The following NRXN2 variants were observed in gnomAD, a reference collection of about 807,000 sequenced individuals.
NRXN2 encodes neurexin-2-beta.
Under a neutral mutation model 128.8 loss-of-function variants are expected in NRXN2, and 29 were observed. The observed-to-expected ratio is 0.23, with a 90% CI of 0.17 to 0.31. The LOEUF is 0.31. Among genes scored for constraint, NRXN2 ranks in the 10% least tolerant of loss-of-function variants. The probability of loss-of-function intolerance (pLI) is 1.00; values close to 1 mark genes in which losing one functional copy is unlikely to be tolerated. For missense variants in NRXN2, 1,881 were observed against 2,452.6 expected, an observed-to-expected ratio of 0.77 and a Z score of 4.92; for synonymous variants, 1,098 against 1,075.2, an observed-to-expected ratio of 1.02 and a Z score of -0.41.
In NRXN2 at chr11:64,623,074, G is replaced by A. The variant is rs2042603567; in HGVS notation, c.3852C>T (p.Arg1284=). The A allele has an allele frequency of 1.9e-6, 3 of 1,599,612 alleles. No individual in the cohort carries two copies. Among genetic ancestry groups the A allele is most frequent in the Non-Finnish European group, 2.6e-6 (3 of 1,172,592 alleles). ...CCTGGCTGTTGAAGATGGTCAGCTG[G>A]CGGCCTTGCAGGAGTGGAAGGGGGT... ...VVDEWLLDKG[R]QLTIFNSQAA... Residue 1284 remains arginine (R), a synonymous_variant, in exon 21 of 23, where the codon CGC becomes CGT. Transcript: ENST00000265459. The surrounding 1 kb of genome is among the most constrained non-coding windows in gnomAD (Gnocchi z 4.9).
At chr11:64,642,799 G>A in intron 17 of NRXN2, 1 of 1,147,990 alleles carries the variant, frequency 8.7e-7, no homozygotes, top group Non-Finnish European at 1.1e-6. Flanking sequence ...CCCCCCGGGG[G>A]GCATTTCGGC....
Position 64,685,896 on chromosome 11 carries a change from T to G in NRXN2, c.902A>C (p.Asp301Ala). 6.2e-7 allele frequency: 1 copy of G among 1,614,086 alleles called. No homozygotes were observed. The highest frequency in any genetic ancestry group is 1.1e-5 in the South Asian group (1 of 91,074). ...TFKGNEFFCY[D>A]LSHNPIQSST... The stretch of plus-strand genomic sequence containing the variant: ...GCTCTGGATGGGGTTGTGTGACAGG[T>G]CGTAGCAGAAGAACTCATTGCCTTT... The change falls in exon 6 of 23, where the codon GAC (aspartate) becomes GCC (alanine). Residue 301 changes from aspartate to alanine, a missense_variant. Coordinates refer to ENST00000265459, the MANE Select transcript of NRXN2 (RefSeq NM_015080.4).
chr11:64,613,716 C>T (rs922982204), intron 22 of NRXN2, among the ~76,000 whole-genome samples: 20 of 152,178 alleles, frequency 1.3e-4, no homozygotes, highest in African/African-American at 3.1e-4. Flanking sequence ...TACGGAGATC[C>T]GGGGCTTATC....
intron 17 of NRXN2, among the ~76,000 whole-genome samples, chr11:64,640,617 AGAG>A (rs2045522179): frequency 6.6e-6 from 1 of 152,164 alleles, no homozygotes; most frequent in Admixed American, 6.5e-5. Context: ...TCATGGAAGA[AGAG>A]AAGGAAACTG....
chr11:64,643,069 G>A lies in NRXN2; in HGVS notation c.3403+5150C>T, dbSNP rs944124976. 5.1e-5 allele frequency: 51 copies of A among 992,260 alleles called. No homozygotes were observed. In the African/African-American group the frequency reaches 8.0e-4, roughly 16 times the overall value. The allele number at this position is 992,260 out of a possible 1,614,324, so 61.5% of individuals were successfully genotyped here. A position where few individuals can be genotyped will look rare whatever the true frequency, so the allele number is the denominator to read the frequency against. On this transcript the variant is annotated intron_variant, in intron 17 of 22. Coordinates refer to ENST00000265459, the MANE Select transcript of NRXN2 (RefSeq NM_015080.4). ...GCTAGGGGTCTCTCTGCATCCCGGC[G>A]GGGTCGGAGCGGCGCAGAGGGCCGT...
In NRXN2 at chr11:64,648,075, TG is replaced by T. The variant is rs915565346; in HGVS notation, c.3403+143del. ...AGGGGACAGCAGGCCACAGCTCCCCTGGGACTCTGCAGACAAGGGATGAGAA... is the reference window on the plus strand; with the variant it reads ...AGGGGACAGCAGGCCACAGCTCCCCTGGACTCTGCAGACAAGGGATGAGAA... On this transcript the variant is annotated intron_variant, in intron 17 of 22. Coordinates refer to ENST00000265459, the MANE Select transcript of NRXN2 (RefSeq NM_015080.4). This position sits in a 1 kb window ranked among gnomAD's most constrained non-coding sequence, Gnocchi z 4.1. 2.7e-5 allele frequency: 32 copies of T among 1,204,178 alleles called. No homozygotes were observed. In the African/African-American group the frequency reaches 3.4e-4, roughly 13 times the overall value. The allele number at this position is 1,204,178 out of a possible 1,614,324, so 74.6% of individuals were successfully genotyped here. A position where few individuals can be genotyped will look rare whatever the true frequency, so the allele number is the denominator to read the frequency against.
Position 64,666,204 on chromosome 11 carries a change from A to ATT in NRXN2, c.1798+1044_1798+1045dup, listed in dbSNP as rs35403625. 2.6e-3 allele frequency among the ~76,000 whole-genome samples: 350 copies of ATT among 137,174 alleles called. 4 individuals are homozygous for ATT. The highest frequency in any genetic ancestry group is 7.1e-3 in the African/African-American group (259 of 36,604). 90.0% of individuals were successfully genotyped at this position (137,174 alleles called of 152,430 possible). ...TGCTCAGTAACTGCTGAGTGAGTTA[A>ATT]TTTTTTTTTTTTTTTTTTTGACAGT... On this transcript the variant is annotated intron_variant, in intron 9 of 22. Coordinates refer to ENST00000265459, the MANE Select transcript of NRXN2 (RefSeq NM_015080.4).
chr11:64,636,986 G>A (rs1417334143), intron 17 of NRXN2, among the ~76,000 whole-genome samples: 1 of 152,126 alleles, frequency 6.6e-6, no homozygotes, highest in African/African-American at 2.4e-5. Flanking sequence ...TGCAGGCCCA[G>A]GGAGGTGCTG....
intron 22 of NRXN2, among the ~76,000 whole-genome samples, chr11:64,608,723 G>T (rs959119400): frequency 6.6e-6 from 1 of 152,112 alleles, no homozygotes; most frequent in Admixed American, 6.5e-5. Flanking sequence ...TCTGCTCCCT[G>T]CGCATCCTGC....
At chr11:64,679,418 A>T (rs2051847678) in intron 6 of NRXN2, among the ~76,000 whole-genome samples, 1 of 152,088 alleles carries the variant, frequency 6.6e-6, no homozygotes, top group Non-Finnish European at 1.5e-5. Flanking sequence ...CAGGCGGATC[A>T]TGAGGTCAGG....
chr11:64,694,772 C>T lies in NRXN2; in HGVS notation c.749-1896G>A, dbSNP rs117644269. Reference sequence around the variant, plus strand: ...CTAAACCCAGGACCCAGACCCAGAGCCCTCAACCCACATCCGACTCTCCCG... The same window carrying T: ...CTAAACCCAGGACCCAGACCCAGAGTCCTCAACCCACATCCGACTCTCCCG... On this transcript the variant is annotated intron_variant, in intron 3 of 22. Transcript: ENST00000265459. Among the ~76,000 whole-genome samples the T allele has an allele frequency of 5.9e-3, 902 of 152,292 alleles. 11 individuals carry two copies. Among genetic ancestry groups the T allele is most frequent in the Middle Eastern group, 0.02 (6 of 294 alleles).
At chr11:64,710,229 ACTCT>A (rs530864893) in intron 2 of NRXN2, among the ~76,000 whole-genome samples, 5 of 149,920 alleles carry the variant, frequency 3.3e-5, no homozygotes, top group Admixed American at 2.0e-4. Context: ...TTCTTACATG[ACTCT>A]CTCTCACACA....
Position 64,626,502 on chromosome 11 carries a change from G to T in NRXN2, c.3808C>A (p.Arg1270=). 1 of 1,614,032 alleles carries T rather than the reference G, an allele frequency of 6.2e-7. No individual in the cohort carries two copies. Among genetic ancestry groups the T allele is most frequent in the Non-Finnish European group, 8.5e-7 (1 of 1,179,940 alleles). ...CACTCATCTACTACTCGACCAAGCC[G>T]GTAGGGGATTCTCTGTCTAGCAATC... The part of the protein sequence containing the change: ...LAIARQRIPY[R]LGRVVDEWLL... The change falls in exon 20 of 23, where the codon CGG becomes AGG. Residue 1270 remains arginine (R), a synonymous_variant. Coordinates refer to ENST00000265459, the MANE Select transcript of NRXN2 (RefSeq NM_015080.4).
chr11:64,616,886 G>A (rs896372809), intron 22 of NRXN2, among the ~76,000 whole-genome samples: 1 of 152,198 alleles, frequency 6.6e-6, no homozygotes, highest in Non-Finnish European at 1.5e-5. Context: ...TCTGGGAGCT[G>A]AGTAGGTGCA....
chr11:64,652,354 G>A (rs964605641), intron 12 of NRXN2, among the ~76,000 whole-genome samples, 200 bp from the exon 13 acceptor site: 2 of 152,018 alleles, frequency 1.3e-5, no homozygotes, highest in Non-Finnish European at 2.9e-5. Context: ...ATCACACCTG[G>A]AGTCCATGCA....
chr11:64,703,649 T>C (rs1204428389), intron 2 of NRXN2, among the ~76,000 whole-genome samples: 3 of 152,202 alleles, frequency 2.0e-5, no homozygotes, highest in Non-Finnish European at 4.4e-5. Flanking sequence ...GTATTCCTCA[T>C]GTAGGCTACT....
intron 9 of NRXN2, among the ~76,000 whole-genome samples, chr11:64,665,203 C>T (rs2049649817): frequency 6.6e-6 from 1 of 151,838 alleles, no homozygotes; most frequent in African/African-American, 2.4e-5. Flanking sequence ...ATTGCTTGAA[C>T]CCGGGAGGCA....
Position 64,622,827 on chromosome 11 carries a change from C to T in NRXN2, c.4099G>A (p.Glu1367Lys). The change falls in exon 21 of 23, where the codon GAG becomes AAG. Residue 1367 changes from glutamate (E) to lysine (K), a missense_variant. Around this residue, in one of 7 missense-constraint regions of NRXN2, gnomAD observed 108 missense variants for 165.2 expected, o/e 0.65. Coordinates refer to ENST00000265459, the MANE Select transcript of NRXN2 (RefSeq NM_015080.4). This position sits in a 1 kb window ranked among gnomAD's most constrained non-coding sequence, Gnocchi z 4.3. Reference sequence around the variant, plus strand: ...GTAGTGGCCATGGTGGTGGTAGTCTCCATGATGGTGGTGGCCATGTCAGCC... The same window carrying T: ...GTAGTGGCCATGGTGGTGGTAGTCTTCATGATGGTGGTGGCCATGTCAGCC... ...LLADMATTIM[E>K]TTTTMATTTT... is the part of the protein sequence containing the mutation. 1 of 1,612,804 alleles carries T rather than the reference C, an allele frequency of 6.2e-7. No homozygotes were observed. Among genetic ancestry groups the T allele is most frequent in the East Asian group, 2.2e-5 (1 of 44,874 alleles).
chr11:64,666,955 G>A (rs565936205), intron 9 of NRXN2, among the ~76,000 whole-genome samples: 20 of 152,204 alleles, frequency 1.3e-4, no homozygotes, highest in South Asian at 6.2e-4. Flanking sequence ...TTCTCCTCTC[G>A]ATGGCCCTTG....
Sources: gnomAD v4.1 joint callset for allele counts (sites outside exome capture counted in the v4.1 genomes callset) on GRCh38, gnomAD v4.1.1 for gene constraint, gnomAD v4.1.1 regional missense constraint, Gnocchi (gnomAD v3.1) non-coding constraint, MANE v1.5 for transcripts, NCBI Gene and HGNC (gene_info 2026-07-23, HGNC 2026-07-21) for gene names.